Variants in ZC3H8 observed in about 807,000 individuals in gnomAD.
The protein encoded by ZC3H8 is zinc finger CCCH domain-containing protein 8.
A neutral mutation model predicts 42.5 loss-of-function variants in ZC3H8; 27 were observed. The observed-to-expected ratio is 0.64, with a 90% CI of 0.47 to 0.88. The LOEUF (loss-of-function observed/expected upper bound fraction) is 0.88. ZC3H8 is among the 40% of genes least tolerant of loss of function. ZC3H8 has a pLI of 0.00. For synonymous variants in ZC3H8, 101 were observed against 110.1 expected, an observed-to-expected ratio of 0.92 and a Z score of 0.52; for missense variants, 277 against 336.1, an observed-to-expected ratio of 0.82 and a Z score of 1.37.
chr2:112,220,044 T>A (rs967601077), intron 8 of ZC3H8, among the ~76,000 whole-genome samples: 2 of 152,240 alleles, frequency 1.3e-5, no homozygotes, highest in Non-Finnish European at 2.9e-5. Context: ...AAGGGCGTCA[T>A]TGCATGTGAG....
intron 2 of ZC3H8, among the ~76,000 whole-genome samples, chr2:112,248,755 C>T (rs1336627868): frequency 1.3e-5 from 2 of 152,092 alleles, no homozygotes; most frequent in Non-Finnish European, 2.9e-5. Context: ...GGTTGAACTG[C>T]ACCCTCCCAA....
chr2:112,240,912 T>A (rs1308235036), intron 2 of ZC3H8, among the ~76,000 whole-genome samples: 1 of 151,818 alleles, frequency 6.6e-6, no homozygotes, highest in Non-Finnish European at 1.5e-5. Flanking sequence ...ACTGAACTAG[T>A]ATGGCCTCCA....
rs1280824702 is a variant in ZC3H8, at chr2:112,219,240, T to C, written c.*16-2772A>G. Among the ~76,000 whole-genome samples, 5 of 152,178 alleles carry C rather than the reference T, an allele frequency of 3.3e-5. No individual in the cohort carries two copies. In the East Asian group the frequency reaches 5.8e-4, roughly 18 times the overall value. The stretch of plus-strand genomic sequence containing the variant: ...GTGCTAACAGCATAAAAGATAGACA[T>C]ATAGAGCACTGGAACACAGTGGAGA... On this transcript the variant is annotated intron_variant, in intron 8 of 8. Coordinates refer to ENST00000409573, the MANE Select transcript of ZC3H8 (RefSeq NM_032494.3).
At chr2:112,225,133 TGA>T (rs1450884829) in intron 8 of ZC3H8, among the ~76,000 whole-genome samples, 3 of 152,232 alleles carry the variant, frequency 2.0e-5, no homozygotes, top group African/African-American at 7.2e-5. Context: ...TCTTGTTTCC[TGA>T]GACTTTGCTG....
rs1183464222 is a variant in ZC3H8 at position 112,233,121 on chromosome 2, T to G, written c.733+139A>C. The G allele has an allele frequency of 2.4e-5, 13 of 552,504 alleles. 1 individual carries two copies. The highest frequency in any genetic ancestry group is 3.5e-5 in the Non-Finnish European group (11 of 314,432). 34.2% of individuals were successfully genotyped at this position (552,504 alleles called of 1,614,324 possible). On this transcript the variant is annotated intron_variant, in intron 6 of 8. Coordinates refer to ENST00000409573, the MANE Select transcript of ZC3H8 (RefSeq NM_032494.3). ...GCTTATGAAAAAATCCACGTACAAT[T>G]TAATCACTTTGATACTAAGTTGGGC...
rs1178546037 is a variant in ZC3H8 at position 112,213,685 on chromosome 2, A to G, written c.*2799T>C. On this transcript the variant is annotated 3_prime_UTR_variant, in exon 9 of 9. Coordinates refer to ENST00000409573, the MANE Select transcript of ZC3H8 (RefSeq NM_032494.3). ...CAGCTACTTGGGAGGCTGAGGCAGG[A>G]GAATCACTTGAACCCGGGAGGCAGA... 7.1e-6 allele frequency: 1 copy of G among 140,890 alleles called. No individual in the cohort carries two copies. The highest frequency in any genetic ancestry group is 1.5e-5 in the Non-Finnish European group (1 of 65,620). 8.7% of individuals were successfully genotyped at this position (140,890 alleles called of 1,614,324 possible).
chr2:112,218,861 T>C (rs1282591122), intron 8 of ZC3H8, among the ~76,000 whole-genome samples: 2 of 152,206 alleles, frequency 1.3e-5, no homozygotes, highest in African/African-American at 2.4e-5. Context: ...TCCTCTGTTA[T>C]TCAAGGGCCA....
chr2:112,239,637 T>C (rs896934285), intron 2 of ZC3H8, among the ~76,000 whole-genome samples: 1 of 140,658 alleles, frequency 7.1e-6, no homozygotes, highest in Middle Eastern at 3.9e-3. Context: ...CAGGCTGGAG[T>C]GCAGTGGCAC....
At chr2:112,216,682 G>C (rs1294076243) in intron 8 of ZC3H8, among the ~76,000 whole-genome samples, 1 of 85,050 alleles carries the variant, frequency 1.2e-5, no homozygotes, top group African/African-American at 5.3e-5. Context: ...TAGAACTGAA[G>C]CAAAAAAAAA....
intron 8 of ZC3H8, among the ~76,000 whole-genome samples, chr2:112,219,623 T>C (rs1422637362): frequency 6.6e-6 from 1 of 152,158 alleles, no homozygotes; most frequent in African/African-American, 2.4e-5. Context: ...TCTTGCACAG[T>C]GGTCTGATGA....
chr2:112,240,951 CAGTGTG>C (rs1685548368), intron 2 of ZC3H8, among the ~76,000 whole-genome samples: 1 of 118,022 alleles, frequency 8.5e-6, no homozygotes, highest in Admixed American at 9.5e-5. Flanking sequence ...GTACAGGTAA[CAGTGTG>C]TGTGTGTGTG....
Position 112,254,908 on chromosome 2 carries a change from C to A in ZC3H8, c.74G>T (p.Arg25Ile), listed in dbSNP as rs375652129. ...LGKTATDSDE[R>I]IDDEIDTEVE... ...AAAAGATGAAAAGATATGGGATCAC[C>A]TTTCGTCAGAGTCCGTGGCCGTTTT... Residue 25 changes from arginine (R) to isoleucine (I), a missense_variant and splice_region_variant, in exon 1 of 9, where the codon AGA (arginine) becomes ATA (isoleucine). By Grantham distance (97) the Arg-to-Ile change is moderately conservative. Transcript: ENST00000409573. The A allele has an allele frequency of 1.2e-6, 2 of 1,613,384 alleles. No individual in the cohort carries two copies. The highest frequency in any genetic ancestry group is 4.5e-5 in the East Asian group (2 of 44,872).
At chr2:112,250,007 G>GT in intron 2 of ZC3H8, 184 bp downstream of exon 2, 1 of 420,248 alleles carries the variant, frequency 2.4e-6, no homozygotes, top group South Asian at 6.8e-5. Flanking sequence ...TATTTAAAAA[G>GT]TATAACCAGT....
chr2:112,229,483 T>C (rs1166881191), intron 8 of ZC3H8, among the ~76,000 whole-genome samples: 2 of 152,216 alleles, frequency 1.3e-5, no homozygotes, highest in African/African-American at 4.8e-5. Flanking sequence ...TATAAGTAAA[T>C]GTGCTGTAAA....
intron 2 of ZC3H8, among the ~76,000 whole-genome samples, chr2:112,242,262 C>G (rs1344520547): frequency 6.6e-6 from 1 of 152,188 alleles, no homozygotes; most frequent in Non-Finnish European, 1.5e-5. Context: ...CATATTTTTT[C>G]ATGGTTGAAA....
At chr2:112,232,429 T>C (rs1190725436) in intron 6 of ZC3H8, among the ~76,000 whole-genome samples, 1 of 152,062 alleles carries the variant, frequency 6.6e-6, no homozygotes, top group African/African-American at 2.4e-5. Flanking sequence ...TTAGAAGGAC[T>C]ACATACGTAA....
At chr2:112,252,311 C>T (rs1685977962) in intron 1 of ZC3H8, among the ~76,000 whole-genome samples, 1 of 152,156 alleles carries the variant, frequency 6.6e-6, no homozygotes, top group African/African-American at 2.4e-5. Flanking sequence ...TCTCAAGATC[C>T]CTACCAAAAC....
chr2:112,238,222 A>T, intron 3 of ZC3H8, 93 bp downstream of exon 3: 1 of 1,262,906 alleles, frequency 7.9e-7, no homozygotes, highest in South Asian at 1.4e-5. Flanking sequence ...TTATCATAAG[A>T]TAAAGTGCAA....
intron 8 of ZC3H8, among the ~76,000 whole-genome samples, chr2:112,220,991 T>C (rs1377349370): frequency 6.6e-6 from 1 of 152,206 alleles, no homozygotes; most frequent in Non-Finnish European, 1.5e-5. Context: ...TGAACTTGAA[T>C]GTTGGCCTCT....
Sources: gnomAD v4.1 joint callset for allele counts (sites outside exome capture counted in the v4.1 genomes callset) on GRCh38, gnomAD v4.1.1 for gene constraint, MANE v1.5 for transcripts, NCBI Gene and HGNC (gene_info 2026-07-23, HGNC 2026-07-21) for gene names.